PCDH20: variants seen among roughly 807,000 people sequenced by gnomAD.
PCDH20 encodes protocadherin-20.
Under a neutral mutation model 39.7 loss-of-function variants are expected in PCDH20, and 18 were observed. That is an observed-to-expected ratio of 0.45 (90% CI 0.31 to 0.67). The LOEUF is 0.67. PCDH20 is among the 30% of genes least tolerant of loss of function. PCDH20 has a pLI of 0.05. For synonymous variants in PCDH20, 495 were observed against 455.4 expected (o/e 1.09, Z -1.11); for missense variants, 1,161 against 1,167.4 (o/e 0.99, Z 0.08).
At chr13:61,414,527 C>T (rs940714026) in intron 1 of PCDH20, among the ~76,000 whole-genome samples, 1 of 152,144 alleles carries the variant, frequency 6.6e-6, no homozygotes, top group African/African-American at 2.4e-5. Flanking sequence ...ACTTCCTCCT[C>T]CACCTCCAAC....
exon 2 of PCDH20, chr13:61,413,725 C>A: frequency 6.2e-7 from 1 of 1,613,886 alleles, no homozygotes; most frequent in East Asian, 2.2e-5. Context: ...GCCACTCAGT[C>A]CCCGGGAGGC....
chr13:61,414,753 C>T (rs1176704412), intron 1 of PCDH20, among the ~76,000 whole-genome samples: 1 of 152,132 alleles, frequency 6.6e-6, no homozygotes, highest in African/African-American at 2.4e-5. Flanking sequence ...CGATCCCGAA[C>T]CCCTGTAGCT....
chr13:61,411,926 T>C (rs987883723), exon 2 of PCDH20: 1 of 1,613,978 alleles, frequency 6.2e-7, no homozygotes, highest in African/African-American at 1.3e-5. Flanking sequence ...ATTTTTGCTG[T>C]AGAGGAGAGG....
chr13:61,415,359 A>G lies in PCDH20; in HGVS notation c.-201T>C. The stretch of plus-strand genomic sequence containing the variant: ...TCCTGCCCCGGACGCAGGTAACTCC[A>G]TACTCTGCCAGAGGAGCTGGAATGG... On this transcript the variant is annotated 5_prime_UTR_variant, in exon 1 of 2. The change abolishes an upstream ATG in the 5' untranslated region. Coordinates refer to ENST00000409204, the Ensembl canonical transcript of PCDH20. 3.7e-6 allele frequency: 2 copies of G among 538,086 alleles called. No homozygotes were observed. The highest frequency in any genetic ancestry group is 6.8e-5 in the South Asian group (1 of 14,662). The allele number at this position is 538,086 out of a possible 1,614,324, so 33.3% of individuals were successfully genotyped here.
exon 1 of PCDH20, chr13:61,415,148 C>G (rs1211293300): frequency 6.9e-7 from 1 of 1,456,118 alleles, no homozygotes; most frequent in Non-Finnish European, 9.1e-7. Context: ...CGCATTCCCT[C>G]GGCCGCGCAT....
exon 2 of PCDH20, chr13:61,410,977 T>G (rs1333120399): frequency 4.2e-6 from 1 of 237,242 alleles, no homozygotes; most frequent in East Asian, 8.6e-5. Context: ...GCTTGGTGTA[T>G]GAAAGCTGCA....
chr13:61,413,066 C>T, exon 2 of PCDH20: 1 of 1,614,192 alleles, frequency 6.2e-7, no homozygotes, highest in South Asian at 1.1e-5. Context: ...TCTTTATCCA[C>T]AGCCTGGACA....
At chr13:61,415,309 A>T in exon 1 of PCDH20, 1 of 893,260 alleles carries the variant, frequency 1.1e-6, no homozygotes, top group Non-Finnish European at 1.5e-6. Flanking sequence ...GAAAGGCAAG[A>T]GGGCAGAAGG....
intron 1 of PCDH20, among the ~76,000 whole-genome samples, chr13:61,414,776 G>A (rs931790492): frequency 3.9e-5 from 6 of 152,254 alleles, no homozygotes; most frequent in African/African-American, 1.4e-4. Context: ...AGCGGATTGA[G>A]CGCACCCCCG....
At chr13:61,412,677 C>A (rs113300336) in exon 2 of PCDH20, 1 of 1,614,090 alleles carries the variant, frequency 6.2e-7, no homozygotes, top group East Asian at 2.2e-5. Flanking sequence ...ATAACCTAAA[C>A]GGCCCTTCAC....
exon 2 of PCDH20, chr13:61,413,954 A>C: frequency 1.2e-6 from 2 of 1,606,358 alleles, no homozygotes; most frequent in Non-Finnish European, 1.7e-6. Flanking sequence ...AAGAGGAAAA[A>C]CAGAAACAGA....
chr13:61,411,603 A>T (rs776929301), exon 2 of PCDH20: 3 of 1,614,052 alleles, frequency 1.9e-6, no homozygotes, highest in Non-Finnish European at 1.7e-6. Context: ...TGGAGTGGAG[A>T]GGCTCGGGAT....
chr13:61,414,068 TC>T, intron 1 of PCDH20, 102 bp from the exon 2 acceptor site: 1 of 1,087,266 alleles, frequency 9.2e-7, no homozygotes, highest in Non-Finnish European at 1.3e-6. Flanking sequence ...CCATCCCCGT[TC>T]CCAGAAGCAA....
chr13:61,411,954 A>G (rs139154324), exon 2 of PCDH20: 1 of 1,614,114 alleles, frequency 6.2e-7, no homozygotes, highest in Non-Finnish European at 8.5e-7. Context: ...CACCCCCATC[A>G]ACAGCTTCAA....
exon 2 of PCDH20, chr13:61,412,672 C>G (rs1222755545): frequency 3.7e-6 from 6 of 1,613,972 alleles, no homozygotes; most frequent in Non-Finnish European, 5.1e-6. Context: ...AGGTGATAAC[C>G]TAAACGGCCC....
At chr13:61,412,230 G>A in exon 2 of PCDH20, 1 of 1,614,120 alleles carries the variant, frequency 6.2e-7, no homozygotes, top group Non-Finnish European at 8.5e-7. Flanking sequence ...GGGCCACAGT[G>A]GCTACTGATT....
At chr13:61,413,300 C>T (rs762536057) in exon 2 of PCDH20, 2 of 1,614,096 alleles carry the variant, frequency 1.2e-6, no homozygotes, top group South Asian at 1.1e-5. Context: ...GGGGTGCGCT[C>T]CCCATTCTCA....
exon 2 of PCDH20, chr13:61,410,098 A>C (rs1477384289): frequency 6.6e-6 from 1 of 152,142 alleles, no homozygotes; most frequent in Non-Finnish European, 1.5e-5. Flanking sequence ...CTAAATTATC[A>C]AAGAAATCTG....
exon 2 of PCDH20, chr13:61,411,392 G>C: frequency 6.2e-7 from 1 of 1,614,020 alleles, no homozygotes; most frequent in Non-Finnish European, 8.5e-7. Context: ...CCTGTGACCA[G>C]TGTGATGGAA....
Sources: allele counts gnomAD v4.1 joint callset (sites outside exome capture counted in the v4.1 genomes callset), GRCh38; gene constraint gnomAD v4.1.1; transcripts MANE v1.5; gene names NCBI Gene and HGNC (gene_info 2026-07-23, HGNC 2026-07-21).